AXIN1: variants seen among roughly 807,000 people sequenced by gnomAD.
The protein encoded by AXIN1 is axin 1.
In AXIN1, 30 loss-of-function variants were observed where a neutral mutation model predicts 76.4. The observed-to-expected ratio is 0.39, with a 90% CI of 0.29 to 0.53. The LOEUF is 0.53. Ranked by LOEUF, AXIN1 falls within the 20% of genes least tolerant of loss-of-function variation. The probability of loss-of-function intolerance (pLI) is 0.66; values close to 1 mark genes in which losing one functional copy is unlikely to be tolerated. For synonymous variants in AXIN1, 545 were observed against 501.4 expected (o/e 1.09, Z -1.16); for missense variants, 1,140 against 1,198.8 (o/e 0.95, Z 0.72).
Position 293,227 on chromosome 16 carries a change from T to TGCTCTG in AXIN1, c.2186+260_2186+261insCAGAGC. The TGCTCTG allele has an allele frequency of 3.6e-6, 2 of 553,602 alleles. No individual in the cohort carries two copies. The highest frequency in any genetic ancestry group is 6.5e-6 in the Non-Finnish European group (2 of 308,142). 34.3% of individuals were successfully genotyped at this position (553,602 alleles called of 1,614,324 possible). On this transcript the variant is annotated intron_variant, in intron 8 of 10. Coordinates refer to ENST00000262320, the MANE Select transcript of AXIN1 (RefSeq NM_003502.4). This position sits in a 1 kb window ranked among gnomAD's most constrained non-coding sequence, Gnocchi z 4.6. ...GCCTCCCTGCAGACTGGGCTCAGGT[T>TGCTCTG]GAGGAGGGACCCCGCCTCCAGAGCA...
intron 2 of AXIN1, among the ~76,000 whole-genome samples, chr16:330,038 T>C (rs1476162656): frequency 1.3e-5 from 2 of 151,330 alleles, no homozygotes; most frequent in Non-Finnish European, 2.9e-5. Flanking sequence ...AGTACTGGGA[T>C]TACAGGCATG....
chr16:321,458 G>A (rs1019215874), intron 2 of AXIN1, among the ~76,000 whole-genome samples: 1 of 152,260 alleles, frequency 6.6e-6, no homozygotes, highest in Non-Finnish European at 1.5e-5. Context: ...GCACAGGTCA[G>A]TACACCACGT....
chr16:307,568 G>A (rs1016963321), intron 4 of AXIN1, among the ~76,000 whole-genome samples: 11 of 152,254 alleles, frequency 7.2e-5, no homozygotes, highest in African/African-American at 1.7e-4. Flanking sequence ...GGACAGTGGG[G>A]GCAGGGGGCT....
intron 2 of AXIN1, among the ~76,000 whole-genome samples, chr16:342,031 G>A (rs1429025344): frequency 2.0e-5 from 3 of 152,224 alleles, no homozygotes; most frequent in African/African-American, 7.2e-5. Flanking sequence ...GGATGTGGGT[G>A]GGGCCAGATA....
In AXIN1 at chr16:346,379, T is replaced by C. The variant is rs1157096242; in HGVS notation, c.647A>G (p.Glu216Gly). The part of the protein sequence containing the change: ...IYLEYTRTGS[E>G]SPKVCSDQSS... ...CTGGTCACTACAGACTTTGGGGCTC[T>C]CCGAGCCTGTCCTCGTATATTCCAA... Residue 216 changes from glutamate (E) to glycine (G), a missense_variant, in exon 2 of 11, where the codon GAG becomes GGG. Transcript: ENST00000262320. The C allele has an allele frequency of 6.2e-6, 10 of 1,614,124 alleles. No individual in the cohort carries two copies. Among genetic ancestry groups the C allele is most frequent in the Non-Finnish European group, 6.8e-6 (8 of 1,180,046 alleles).
intron 2 of AXIN1, among the ~76,000 whole-genome samples, chr16:331,598 C>A (rs1384220429): frequency 6.6e-6 from 1 of 152,180 alleles, no homozygotes; most frequent in Non-Finnish European, 1.5e-5. Context: ...ATCAAACACT[C>A]CTATCAGCGT....
intron 2 of AXIN1, among the ~76,000 whole-genome samples, chr16:327,458 C>T (rs891940815): frequency 5.3e-5 from 8 of 152,230 alleles, no homozygotes; most frequent in African/African-American, 1.2e-4. Flanking sequence ...TGTGGTTCCA[C>T]GCTGCGGCCA....
chr16:287,537 G>GC lies in AXIN1; in HGVS notation c.*584dup, dbSNP rs1486445081. On this transcript the variant is annotated 3_prime_UTR_variant, in exon 11 of 11. Coordinates refer to ENST00000262320, the MANE Select transcript of AXIN1 (RefSeq NM_003502.4). ...ATCGCATGAAAAACAGACTCGGGCA[G>GC]CCCCTGCTGGCCTAGCCTGAGAAAT... 1 of 305,078 alleles carries GC rather than the reference G, an allele frequency of 3.3e-6. No homozygotes were observed. The highest frequency in any genetic ancestry group is 4.9e-5 in the East Asian group (1 of 20,206). 18.9% of individuals were successfully genotyped at this position (305,078 alleles called of 1,614,324 possible). A position where few individuals can be genotyped will look rare whatever the true frequency, so the allele number is the denominator to read the frequency against.
chr16:299,709 G>A (rs1224749533), intron 5 of AXIN1, among the ~76,000 whole-genome samples: 1 of 151,780 alleles, frequency 6.6e-6, no homozygotes, highest in East Asian at 1.9e-4. Context: ...AGGCTGGAGT[G>A]CAGTGGCACG....
intron 6 of AXIN1, among the ~76,000 whole-genome samples, chr16:297,499 A>T (rs1294588289): frequency 6.6e-6 from 1 of 152,130 alleles, no homozygotes; most frequent in Admixed American, 6.5e-5. Context: ...TGAGGGCCAG[A>T]GCGGGAGCCA....
chr16:309,915 C>G (rs1038931805), intron 4 of AXIN1, 58 bp downstream of exon 4: 4 of 1,562,192 alleles, frequency 2.6e-6, no homozygotes, highest in Non-Finnish European at 3.5e-6. Flanking sequence ...GACCAGTTCA[C>G]CAGGCCCACG....
rs543604521 is a variant in AXIN1 at position 303,801 on chromosome 16, A to G, written c.1254+503T>C. ...CTGTTTTTAGCTGAACTAAGCAAAG[A>G]GTCCTACAACACAAGTGCCTAGAGG... is the stretch of plus-strand genomic sequence containing the variant. On this transcript the variant is annotated intron_variant, in intron 5 of 10. Transcript: ENST00000262320. Among the ~76,000 whole-genome samples, 22 of 152,338 alleles carry G rather than the reference A, an allele frequency of 1.4e-4. 1 individual carries two copies. Among genetic ancestry groups the G allele is most frequent in the African/African-American group, 4.6e-4 (19 of 41,582 alleles).
chr16:317,998 G>A (rs111540785), intron 2 of AXIN1, among the ~76,000 whole-genome samples: 7 of 152,306 alleles, frequency 4.6e-5, no homozygotes, highest in South Asian at 4.1e-4. Context: ...CACGGCACAC[G>A]GGTGCATCTG....
chr16:288,338 T>G, intron 10 of AXIN1, 90 bp from the exon 11 acceptor site: 1 of 1,535,224 alleles, frequency 6.5e-7, no homozygotes, highest in Non-Finnish European at 8.9e-7. Flanking sequence ...CCACACCCCA[T>G]CCCGAGGAGC....
chr16:307,049 G>C (rs1389569321), intron 4 of AXIN1, among the ~76,000 whole-genome samples: 1 of 152,258 alleles, frequency 6.6e-6, no homozygotes, highest in African/African-American at 2.4e-5. Context: ...CGCAGACGTG[G>C]GAGTGGCACA....
chr16:305,349 G>A (rs1418186710), intron 4 of AXIN1, among the ~76,000 whole-genome samples: 1 of 152,062 alleles, frequency 6.6e-6, no homozygotes, highest in Non-Finnish European at 1.5e-5. Flanking sequence ...TGGCACCTGT[G>A]GTTCCGACTA....
chr16:321,717 G>A (rs763286734), intron 2 of AXIN1, among the ~76,000 whole-genome samples: 32 of 150,898 alleles, frequency 2.1e-4, no homozygotes, highest in South Asian at 4.2e-4. Flanking sequence ...GCCAACCCAC[G>A]AAGGGTTAAA....
At chr16:329,182 C>T (rs2053639599) in intron 2 of AXIN1, among the ~76,000 whole-genome samples, 1 of 147,260 alleles carries the variant, frequency 6.8e-6, no homozygotes, top group Non-Finnish European at 1.5e-5. Flanking sequence ...AGAGCTGAGG[C>T]AGGAGAATCG....
chr16:327,195 G>A (rs886965345), intron 2 of AXIN1, among the ~76,000 whole-genome samples: 18 of 151,926 alleles, frequency 1.2e-4, no homozygotes, highest in African/African-American at 4.1e-4. Flanking sequence ...CTCCACCTAC[G>A]TATCTCGTGG....
Sources: gnomAD v4.1 joint callset for allele counts (sites outside exome capture counted in the v4.1 genomes callset) on GRCh38, gnomAD v4.1.1 for gene constraint, Gnocchi (gnomAD v3.1) non-coding constraint, MANE v1.5 for transcripts, NCBI Gene and HGNC (gene_info 2026-07-23, HGNC 2026-07-21) for gene names.